Variants in PPA1 observed in about 807,000 individuals in gnomAD.
The protein encoded by PPA1 is inorganic pyrophosphatase.
A neutral mutation model predicts 41.8 loss-of-function variants in PPA1; 23 were observed. That is an observed-to-expected ratio of 0.55 (90% CI 0.40 to 0.78). The LOEUF is 0.78. Among genes scored for constraint, PPA1 ranks in the 30% least tolerant of loss-of-function variants. PPA1 has a pLI of 0.00. For missense variants in PPA1, 320 were observed against 361.6 expected, an observed-to-expected ratio of 0.89 and a Z score of 0.93; for synonymous variants, 101 against 116.8, an observed-to-expected ratio of 0.86 and a Z score of 0.87.
At chr10:70,216,094 C>G (rs1017466352) in intron 4 of PPA1, among the ~76,000 whole-genome samples, 4 of 152,170 alleles carry the variant, frequency 2.6e-5, no homozygotes, top group Non-Finnish European at 5.9e-5. Context: ...CCACATCTAA[C>G]AAATCCAACA....
At chr10:70,205,029 A>C in intron 9 of PPA1, 114 bp from the exon 10 acceptor site, 2 of 723,936 alleles carry the variant, frequency 2.8e-6, no homozygotes, top group Non-Finnish European at 4.6e-6. Flanking sequence ...TTTAGGATCT[A>C]AACGTAATTT....
chr10:70,205,041 TA>T (rs1202445074), intron 9 of PPA1, 126 bp from the exon 10 acceptor site: 1 of 670,282 alleles, frequency 1.5e-6, no homozygotes, highest in African/African-American at 1.8e-5. Context: ...ACGTAATTTA[TA>T]ATATATAGGA....
intron 6 of PPA1, among the ~76,000 whole-genome samples, chr10:70,212,216 TTGTC>T (rs1181293671): frequency 6.6e-6 from 1 of 152,240 alleles, no homozygotes; most frequent in Non-Finnish European, 1.5e-5. Flanking sequence ...TCTTCCTCAT[TTGTC>T]TATTTATTCA....
chr10:70,226,428 G>A (rs922344222), intron 2 of PPA1, among the ~76,000 whole-genome samples: 12 of 151,956 alleles, frequency 7.9e-5, no homozygotes, highest in African/African-American at 2.7e-4. Flanking sequence ...GTACGGTGGT[G>A]TGTGCCTGTA....
In PPA1 at chr10:70,213,499, T is replaced by C. The variant is rs771927360; in HGVS notation, c.475A>G (p.Ile159Val). 3 of 1,613,966 alleles carry C rather than the reference T, an allele frequency of 1.9e-6. No homozygotes were observed. The highest frequency in any genetic ancestry group is 2.7e-5 in the African/African-American group (2 of 74,944). ...EGETDWKVIA[I>V]NVDDPDAANY... ...GCTGCATCAGGATCATCCACATTAA[T>C]GGCAATGACTTTCCAGTCGGTTTCC... Residue 159 changes from isoleucine to valine, a missense_variant, in exon 6 of 11, where the codon ATT (isoleucine) becomes GTT (valine). Transcript: ENST00000373232.
At chr10:70,227,326 C>CA (rs1273635787) in intron 2 of PPA1, among the ~76,000 whole-genome samples, 1 of 152,206 alleles carries the variant, frequency 6.6e-6, no homozygotes, top group Non-Finnish European at 1.5e-5. Context: ...TACCTAATGG[C>CA]ATATGCCAAA....
At position 70,203,088 on chromosome 10, in the gene PPA1, T is replaced by C; in HGVS notation, c.*67A>G. ...ATTTAAAGCTTTGAAAAGCTACTAC[T>C]TTTACTTCTAATACATCCAGATGAA... On this transcript the variant is annotated 3_prime_UTR_variant, in exon 11 of 11. Transcript: ENST00000373232. 6 of 1,494,984 alleles carry C rather than the reference T, an allele frequency of 4.0e-6. 1 individual carries two copies. The highest frequency in any genetic ancestry group is 4.6e-6 in the Non-Finnish European group (5 of 1,080,836). The allele number at this position is 1,494,984 out of a possible 1,614,324, so 92.6% of individuals were successfully genotyped here.
Position 70,203,249 on chromosome 10 carries a change from A to G in PPA1, c.839-63T>C. 5.1e-6 allele frequency: 7 copies of G among 1,385,330 alleles called. No individual in the cohort carries two copies. In the South Asian group the frequency reaches 8.2e-5, roughly 16 times the overall value. The allele number at this position is 1,385,330 out of a possible 1,614,324, so 85.8% of individuals were successfully genotyped here. A position where few individuals can be genotyped will look rare whatever the true frequency, so the allele number is the denominator to read the frequency against. On this transcript the variant is annotated intron_variant, in intron 10 of 10. Transcript: ENST00000373232. Reference sequence around the variant, plus strand: ...GTTGAGAATCAAAAATACACCTAACATATAACAAAGACTAATATACTTGCT... The same window carrying G: ...GTTGAGAATCAAAAATACACCTAACGTATAACAAAGACTAATATACTTGCT...
chr10:70,211,741 G>C (rs1201190718), intron 6 of PPA1, among the ~76,000 whole-genome samples: 1 of 152,068 alleles, frequency 6.6e-6, no homozygotes, highest in Non-Finnish European at 1.5e-5. Flanking sequence ...CTGACAGAGT[G>C]ATGGGCTTGG....
intron 4 of PPA1, among the ~76,000 whole-genome samples, chr10:70,217,538 G>C (rs1396520611): frequency 2.0e-5 from 3 of 152,170 alleles, no homozygotes; most frequent in Admixed American, 2.0e-4. Flanking sequence ...TCAGTCTGTA[G>C]AGAATTTATA....
rs1839899348 is a variant in PPA1, at chr10:70,202,973, T to A, written c.*182A>T. 1 of 639,654 alleles carries A rather than the reference T, an allele frequency of 1.6e-6. No homozygotes were observed. Among genetic ancestry groups the A allele is most frequent in the Admixed American group, 3.1e-5 (1 of 31,806 alleles). 39.6% of individuals were successfully genotyped at this position (639,654 alleles called of 1,614,324 possible). A position where few individuals can be genotyped will look rare whatever the true frequency, so the allele number is the denominator to read the frequency against. On this transcript the variant is annotated 3_prime_UTR_variant, in exon 11 of 11. Coordinates refer to ENST00000373232, the MANE Select transcript of PPA1 (RefSeq NM_021129.4). ...AGCATGTGCTAAAAGTTATCTTAGTTGAGATATGAAAAATGCTTTAGATGG... is the reference window on the plus strand; with the variant it reads ...AGCATGTGCTAAAAGTTATCTTAGTAGAGATATGAAAAATGCTTTAGATGG...
intron 3 of PPA1, among the ~76,000 whole-genome samples, 179 bp from the exon 4 acceptor site, chr10:70,218,110 G>C (rs1329159493): frequency 6.6e-6 from 1 of 152,104 alleles, no homozygotes; most frequent in Non-Finnish European, 1.5e-5. Flanking sequence ...TAAGTGAAAG[G>C]TTATGTGAGG....
rs112317624 is a variant in PPA1 at position 70,204,681 on chromosome 10, T to C, written c.838+192A>G. On this transcript the variant is annotated intron_variant, in intron 10 of 10. Coordinates refer to ENST00000373232, the MANE Select transcript of PPA1 (RefSeq NM_021129.4). The stretch of plus-strand genomic sequence containing the variant: ...AATGTTTTTACCACACAACAAATAA[T>C]GATTAAGTATGTGAGGTAATGATTT... The C allele has an allele frequency of 1.2e-3, 612 of 495,692 alleles. 3 individuals are homozygous for C. The highest frequency in any genetic ancestry group is 5.1e-3 in the Middle Eastern group (9 of 1,772). 30.7% of individuals were successfully genotyped at this position (495,692 alleles called of 1,614,324 possible).
intron 6 of PPA1, 152 bp downstream of exon 6, chr10:70,213,311 G>T: frequency 2.4e-6 from 2 of 845,766 alleles, no homozygotes; most frequent in South Asian, 2.6e-5. Context: ...TTAATTACAA[G>T]TGCAGTCATA....
chr10:70,217,795 G>A lies in PPA1; in HGVS notation c.297+17C>T. 6.6e-7 allele frequency: 1 copy of A among 1,515,566 alleles called. No individual in the cohort carries two copies. The allele number at this position is 1,515,566 out of a possible 1,614,324, so 93.9% of individuals were successfully genotyped here. A position where few individuals can be genotyped will look rare whatever the true frequency, so the allele number is the denominator to read the frequency against. On this transcript the variant is annotated intron_variant, in intron 4 of 10. Coordinates refer to ENST00000373232, the MANE Select transcript of PPA1 (RefSeq NM_021129.4). The stretch of plus-strand genomic sequence containing the variant: ...TAAGCTAAAAAGTACATTGTCAGCA[G>A]TTGCATGAAGACATACCTGAGGGAT...
chr10:70,206,269 C>G lies in PPA1; in HGVS notation c.790G>C (p.Asp264His). Residue 264 changes from aspartate to histidine, a missense_variant, in exon 9 of 11, where the codon GAT becomes CAT. Coordinates refer to ENST00000373232, the MANE Select transcript of PPA1 (RefSeq NM_021129.4). ...TTAAGGAAACTTTTACATACAGCATCCACAATGGCTCTGGCAGCATCAGGA... is the reference window on the plus strand; with the variant it reads ...TTAAGGAAACTTTTACATACAGCATGCACAATGGCTCTGGCAGCATCAGGA... ...CDPDAARAIV[D>H]ALPPPCESAC... 2 of 1,611,238 alleles carry G rather than the reference C, an allele frequency of 1.2e-6. No individual in the cohort carries two copies. The highest frequency in any genetic ancestry group is 4.5e-5 in the East Asian group (2 of 44,852).
rs539499575 is a variant in PPA1, at chr10:70,203,513, C to T, written c.839-327G>A. On this transcript the variant is annotated intron_variant, in intron 10 of 10. Coordinates refer to ENST00000373232, the MANE Select transcript of PPA1 (RefSeq NM_021129.4). ...CCATCTTCCAGGTTCAAGCAATTCTCGTGCCTCAGTCTCCCCAGCAGCTGG... is the reference window on the plus strand; with the variant it reads ...CCATCTTCCAGGTTCAAGCAATTCTTGTGCCTCAGTCTCCCCAGCAGCTGG... 17 of 231,510 alleles carry T rather than the reference C, an allele frequency of 7.3e-5. No homozygotes were observed. In the South Asian group the frequency reaches 8.1e-4, roughly 11 times the overall value. 14.3% of individuals were successfully genotyped at this position (231,510 alleles called of 1,614,324 possible).
rs192990557 is a variant in PPA1, at chr10:70,209,516, A to G, written c.639+42T>C. 1.7e-3 allele frequency: 2,569 copies of G among 1,556,194 alleles called. 5 individuals carry two copies. Among genetic ancestry groups the G allele is most frequent in the Admixed American group, 3.9e-3 (184 of 47,294 alleles). ...CAATATGGTTAAATTATGAGTCTCA[A>G]TACAAATGAGCCTAAAGCTACAGTT... On this transcript the variant is annotated intron_variant, in intron 7 of 10. Transcript: ENST00000373232.
rs1839985314 is a variant in PPA1 at position 70,209,218 on chromosome 10, T to C, written c.712A>G (p.Lys238Glu). ...GTTTACACTTACCAACTGATTCCTT[T>C]TCCATTCGTTTTCTTAGTCACTAAT... The part of the protein sequence containing the change: ...KALVTKKTNG[K>E]GISCMNTTLS... The change falls in exon 8 of 11, where the codon AAA (lysine) becomes GAA (glutamate). Residue 238 changes from lysine to glutamate, a missense_variant. Transcript: ENST00000373232. The C allele has an allele frequency of 1.3e-6, 2 of 1,595,740 alleles. No homozygotes were observed. Among genetic ancestry groups the C allele is most frequent in the African/African-American group, 1.3e-5 (1 of 74,426 alleles).
Sources: gnomAD v4.1 joint callset for allele counts (sites outside exome capture counted in the v4.1 genomes callset) on GRCh38, gnomAD v4.1.1 for gene constraint, MANE v1.5 for transcripts, NCBI Gene and HGNC (gene_info 2026-07-23, HGNC 2026-07-21) for gene names.